The following MACROD2 variants were observed in gnomAD, a reference collection of about 807,000 sequenced individuals.
MACROD2 encodes the protein ADP-ribose glycohydrolase MACROD2.
Under a neutral mutation model 70.4 loss-of-function variants are expected in MACROD2, and 36 were observed. The observed-to-expected ratio is 0.51, with a 90% CI of 0.39 to 0.68. The LOEUF (loss-of-function observed/expected upper bound fraction) is 0.68. MACROD2 is among the 30% of genes least tolerant of loss of function. MACROD2 has a pLI of 0.00. For synonymous variants in MACROD2, 172 were observed against 178.8 expected, an observed-to-expected ratio of 0.96 and a Z score of 0.30; for missense variants, 496 against 538.4, an observed-to-expected ratio of 0.92 and a Z score of 0.78.
chr20:14,639,141 A>G (rs960662656), intron 4 of MACROD2, among the ~76,000 whole-genome samples: 3 of 152,124 alleles, frequency 2.0e-5, no homozygotes, highest in African/African-American at 7.2e-5. Context: ...CGGCAGCAAC[A>G]AAGTGCCCTG....
At chr20:14,764,910 C>G (rs931637231) in intron 5 of MACROD2, among the ~76,000 whole-genome samples, 1 of 151,912 alleles carries the variant, frequency 6.6e-6, no homozygotes, top group Admixed American at 6.6e-5. Flanking sequence ...GACAAGGAAC[C>G]CAGGAATTTC....
intron 8 of MACROD2, among the ~76,000 whole-genome samples, chr20:15,534,331 G>T (rs551791903): frequency 5.6e-4 from 85 of 152,230 alleles, no homozygotes; most frequent in Non-Finnish European, 1.1e-3. Context: ...CAAATTAATT[G>T]CTAGAAGAAA....
At chr20:15,065,654 CAAAAAAA>C (rs554222351) in intron 5 of MACROD2, among the ~76,000 whole-genome samples, 2 of 95,008 alleles carry the variant, frequency 2.1e-5, no homozygotes, top group East Asian at 3.7e-4. Context: ...ACTCCGTCTC[CAAAAAAA>C]AAAAAAAAAA....
intron 3 of MACROD2, among the ~76,000 whole-genome samples, chr20:14,273,701 C>T (rs2082221115): frequency 6.6e-6 from 1 of 151,962 alleles, no homozygotes; most frequent in South Asian, 2.1e-4. Context: ...TTAATGAATT[C>T]AGGAGCTGGT....
chr20:15,848,528 C>T (rs1266900128), intron 8 of MACROD2, among the ~76,000 whole-genome samples: 1 of 152,130 alleles, frequency 6.6e-6, no homozygotes, highest in Non-Finnish European at 1.5e-5. Flanking sequence ...GGGCATCATC[C>T]CAAGTTCCCG....
intron 5 of MACROD2, among the ~76,000 whole-genome samples, chr20:14,740,021 G>A (rs919657739): frequency 1.4e-4 from 22 of 151,954 alleles, no homozygotes; most frequent in African/African-American, 5.3e-4. Context: ...AGAACTGGAA[G>A]GATATTCACC....
At chr20:15,741,477 G>A (rs2051106147) in intron 8 of MACROD2, among the ~76,000 whole-genome samples, 1 of 151,914 alleles carries the variant, frequency 6.6e-6, no homozygotes, top group South Asian at 2.1e-4. Context: ...CCTCACACAT[G>A]TCAGCCATAT....
At position 15,602,186 on chromosome 20, in the gene MACROD2, C is replaced by A. The variant is rs544778061; in HGVS notation, c.645+102339C>A. 2.0e-5 allele frequency among the ~76,000 whole-genome samples: 3 copies of A among 152,244 alleles called. No homozygotes were observed. The East Asian group carries it at 5.8e-4, about 29-fold the overall frequency. On this transcript the variant is annotated intron_variant, in intron 8 of 17. Transcript: ENST00000684519. ...GGAGTGTTAAGCTGGAGCTACCAGC[C>A]TCTATACGGATTGACTTAGCTAAAG... is the stretch of plus-strand genomic sequence containing the variant.
Position 14,525,084 on chromosome 20 carries a change from C to G in MACROD2, c.301+31576C>G, listed in dbSNP as rs76455004. On this transcript the variant is annotated intron_variant, in intron 4 of 17. Transcript: ENST00000684519. ...CGAATTTATTTTCTCATCAAAACCC[C>G]TTTATAACTGGCCATTTGGTTTCAA... is the stretch of plus-strand genomic sequence containing the variant. Among the ~76,000 whole-genome samples the G allele has an allele frequency of 7.1e-3, 1,088 of 152,252 alleles. 5 individuals carry two copies. Among genetic ancestry groups the G allele is most frequent in the African/African-American group, 0.024 (1,015 of 41,544 alleles).
At chr20:15,691,066 G>A (rs915736987) in intron 8 of MACROD2, among the ~76,000 whole-genome samples, 1 of 152,142 alleles carries the variant, frequency 6.6e-6, no homozygotes, top group Non-Finnish European at 1.5e-5. Context: ...GAGTGGGATT[G>A]ACAGAGGGAA....
chr20:14,757,862 G>A (rs1436188846), intron 5 of MACROD2: 2 of 1,500,208 alleles, frequency 1.3e-6, no homozygotes, highest in Non-Finnish European at 1.8e-6. Context: ...TCCAGGGACT[G>A]GCAGGCCTCG....
intron 3 of MACROD2, among the ~76,000 whole-genome samples, chr20:14,486,401 G>C (rs2084730889): frequency 1.3e-5 from 2 of 152,054 alleles, no homozygotes; most frequent in Non-Finnish European, 1.5e-5. Context: ...TGTTAAGAGA[G>C]AGCCTTTTGA....
chr20:14,673,429 T>C (rs1300514811), intron 4 of MACROD2, among the ~76,000 whole-genome samples: 2 of 152,176 alleles, frequency 1.3e-5, no homozygotes, highest in Admixed American at 6.5e-5. Flanking sequence ...AAATGCAGAC[T>C]CTGGGTTTCC....
intron 8 of MACROD2, among the ~76,000 whole-genome samples, chr20:15,781,665 G>A (rs1402374360): frequency 6.6e-6 from 1 of 152,070 alleles, no homozygotes; most frequent in East Asian, 1.9e-4. Context: ...AGGAGAGGAG[G>A]CCTCATGACC....
chr20:14,266,877 G>T (rs2082148894), intron 3 of MACROD2, among the ~76,000 whole-genome samples: 1 of 152,150 alleles, frequency 6.6e-6, no homozygotes, highest in East Asian at 1.9e-4. Context: ...TTTATTGCCT[G>T]TTGGAATTGA....
chr20:15,867,053 T>C (rs2064503534), intron 9 of MACROD2, among the ~76,000 whole-genome samples: 1 of 152,180 alleles, frequency 6.6e-6, no homozygotes, highest in Admixed American at 6.5e-5. Flanking sequence ...AAGATTAATT[T>C]CTTCAGAGGC....
rs112264238 is a variant in MACROD2, at chr20:14,988,792, C to T, written c.419-241148C>T. On this transcript the variant is annotated intron_variant, in intron 5 of 17. Coordinates refer to ENST00000684519, the MANE Select transcript of MACROD2 (RefSeq NM_001351661.2). Reference sequence around the variant, plus strand: ...GCTCCTTCTCAAGCATAATTTACTACGGTGGGATGCTGATGAAACAGAAGG... The same window carrying T: ...GCTCCTTCTCAAGCATAATTTACTATGGTGGGATGCTGATGAAACAGAAGG... 6.1e-3 allele frequency among the ~76,000 whole-genome samples: 927 copies of T among 152,166 alleles called. 8 individuals carry two copies. The highest frequency in any genetic ancestry group is 0.027 in the East Asian group (138 of 5,178).
chr20:15,131,900 A>ATATAT (rs2076108665), intron 5 of MACROD2, among the ~76,000 whole-genome samples: 1 of 152,156 alleles, frequency 6.6e-6, no homozygotes, highest in Non-Finnish European at 1.5e-5. Context: ...AGATAATGAT[A>ATATAT]TATATGTAAT....
chr20:14,418,073 G>C (rs4814302), intron 3 of MACROD2, among the ~76,000 whole-genome samples: 145,448 of 152,096 alleles, frequency 0.96, 69,677 homozygotes, highest in East Asian at 1. Context: ...TGAAGACTCT[G>C]TCTCTTAAGA....
Sources: allele counts gnomAD v4.1 joint callset (sites outside exome capture counted in the v4.1 genomes callset), GRCh38; gene constraint gnomAD v4.1.1; transcripts MANE v1.5; gene names NCBI Gene and HGNC (gene_info 2026-07-23, HGNC 2026-07-21).